Variants in KIAA1671 observed in about 807,000 individuals in gnomAD.
KIAA1671 encodes KIAA1671, also known as uncharacterized protein KIAA1671.
A neutral mutation model predicts 131.2 loss-of-function variants in KIAA1671; 52 were observed. That is an observed-to-expected ratio of 0.40 (90% CI 0.32 to 0.50). The LOEUF is 0.50. Among genes scored for constraint, KIAA1671 ranks in the 20% least tolerant of loss-of-function variants. The probability of loss-of-function intolerance (pLI) is 0.73; values close to 1 mark genes in which losing one functional copy is unlikely to be tolerated. For missense variants in KIAA1671, 2,360 were observed against 2,364.2 expected (o/e 1.00, Z 0.04); for synonymous variants, 1,003 against 961.6 (o/e 1.04, Z -0.80).
At chr22:25,036,426 T>G (rs1926600716) in intron 4 of KIAA1671, among the ~76,000 whole-genome samples, 1 of 152,150 alleles carries the variant, frequency 6.6e-6, no homozygotes, top group East Asian at 1.9e-4. Flanking sequence ...ACATAAAATA[T>G]ATCATTTTAA....
At position 25,040,259 on chromosome 22, in the gene KIAA1671, G is replaced by T; in HGVS notation, c.3129G>T (p.Val1043=). 1 of 1,551,682 alleles carries T rather than the reference G, an allele frequency of 6.4e-7. No individual in the cohort carries two copies. Among genetic ancestry groups the T allele is most frequent in the Non-Finnish European group, 8.7e-7 (1 of 1,147,002 alleles). The change falls in exon 5 of 13, where the codon GTG becomes GTT. Residue 1043 remains valine, a synonymous_variant. Coordinates refer to ENST00000358431, the MANE Select transcript of KIAA1671 (RefSeq NM_001145206.2). ...QIPNTQKAKG[V]VLSGAESLLE... is the part of the protein sequence containing the mutation. Reference sequence around the variant, plus strand: ...CCAATACTCAAAAGGCAAAGGGTGTGGTTCTGTCAGGAGCTGAAAGCTTGC... The same window carrying T: ...CCAATACTCAAAAGGCAAAGGGTGTTGTTCTGTCAGGAGCTGAAAGCTTGC...
rs1380638918 is a variant in KIAA1671, at chr22:24,995,405, G to A, written c.-207-30228G>A. Among the ~76,000 whole-genome samples the A allele has an allele frequency of 2.7e-5, 4 of 150,420 alleles. No individual in the cohort carries two copies. The East Asian group carries it at 7.9e-4, about 30-fold the overall frequency. ...GCAGGGTCTCACTCTCGCCCAGGCT[G>A]GAGTGCAGTGGTGCAGTCATGACTC... On this transcript the variant is annotated intron_variant, in intron 1 of 12. Transcript: ENST00000358431.
At chr22:24,974,149 G>A (rs1363561134) in intron 1 of KIAA1671, among the ~76,000 whole-genome samples, 1 of 152,128 alleles carries the variant, frequency 6.6e-6, no homozygotes, top group Non-Finnish European at 1.5e-5. Flanking sequence ...GGGTCTGGGT[G>A]GGGCAGGTTT....
At chr22:25,113,705 A>G (rs770323300) in intron 6 of KIAA1671, among the ~76,000 whole-genome samples, 185 of 152,350 alleles carry the variant, frequency 1.2e-3, no homozygotes, top group Middle Eastern at 0.01. Context: ...TGTCTCGTTC[A>G]CAGGACGTCT....
chr22:25,148,706 C>T (rs973027436), intron 6 of KIAA1671, among the ~76,000 whole-genome samples: 9 of 151,856 alleles, frequency 5.9e-5, no homozygotes, highest in African/African-American at 2.2e-4. Flanking sequence ...CCCTTCAGAG[C>T]CTTGCAAAGG....
intron 6 of KIAA1671, among the ~76,000 whole-genome samples, chr22:25,168,378 T>C (rs1240506120): frequency 6.6e-6 from 1 of 152,210 alleles, no homozygotes; most frequent in Non-Finnish European, 1.5e-5. Context: ...ATGTGTCACG[T>C]TCTGCCTGGT....
chr22:24,987,012 G>A (rs1923580815), intron 1 of KIAA1671, among the ~76,000 whole-genome samples: 1 of 152,028 alleles, frequency 6.6e-6, no homozygotes, highest in South Asian at 2.1e-4. Flanking sequence ...TACTGCACAA[G>A]CAGCCCAGAC....
intron 6 of KIAA1671, among the ~76,000 whole-genome samples, chr22:25,166,185 A>G (rs1568988687): frequency 6.6e-6 from 1 of 152,180 alleles, no homozygotes; most frequent in Non-Finnish European, 1.5e-5. Context: ...GAGACTTTGA[A>G]GGACTGAGGA....
chr22:25,182,960 G>T (rs1340219040), intron 10 of KIAA1671, among the ~76,000 whole-genome samples: 1 of 152,212 alleles, frequency 6.6e-6, no homozygotes, highest in Non-Finnish European at 1.5e-5. Flanking sequence ...GCAATGCTGA[G>T]GGAAAGGCTG....
chr22:25,141,783 C>G (rs1250906302), intron 6 of KIAA1671, among the ~76,000 whole-genome samples: 1 of 152,140 alleles, frequency 6.6e-6, no homozygotes, highest in African/African-American at 2.4e-5. Context: ...TCCCAGCCTG[C>G]TGAAGCCGAG....
At chr22:25,175,895 T>A (rs999029161) in intron 8 of KIAA1671, 1 of 152,256 alleles carries the variant, frequency 6.6e-6, no homozygotes, top group African/African-American at 2.4e-5. Flanking sequence ...CACCACGATT[T>A]GGGTCTCCTG....
chr22:25,014,892 C>T (rs1403458531), intron 1 of KIAA1671: 1 of 152,116 alleles, frequency 6.6e-6, no homozygotes, highest in Non-Finnish European at 1.5e-5. Context: ...CTAAGATCTC[C>T]TCAATCTAAA....
At chr22:25,046,419 C>T (rs1927234495) in intron 5 of KIAA1671, among the ~76,000 whole-genome samples, 2 of 151,334 alleles carry the variant, frequency 1.3e-5, no homozygotes, top group South Asian at 4.2e-4. Context: ...TCTCTCCATC[C>T]CTTCCTCTCT....
At chr22:25,172,130 C>A (rs899206485) in intron 7 of KIAA1671, among the ~76,000 whole-genome samples, 1 of 152,122 alleles carries the variant, frequency 6.6e-6, no homozygotes, top group African/African-American at 2.4e-5. Flanking sequence ...ATCTAGAATA[C>A]CCCTGCAAGA....
intron 6 of KIAA1671, among the ~76,000 whole-genome samples, chr22:25,093,103 T>A (rs1331780612): frequency 6.6e-6 from 1 of 152,216 alleles, no homozygotes; most frequent in East Asian, 1.9e-4. Context: ...ACTTACTGTG[T>A]GCTAGGTAAT....
intron 6 of KIAA1671, among the ~76,000 whole-genome samples, chr22:25,148,577 A>G (rs1044246312): frequency 1.3e-5 from 2 of 152,206 alleles, no homozygotes; most frequent in African/African-American, 4.8e-5. Context: ...GAAGCAGGAC[A>G]TGAGTAGGGA....
intron 1 of KIAA1671, among the ~76,000 whole-genome samples, chr22:24,984,265 G>C (rs1273930486): frequency 6.6e-6 from 1 of 152,192 alleles, no homozygotes; most frequent in East Asian, 1.9e-4. Context: ...ATCCTTTGCA[G>C]ATAGGTAGGG....
chr22:25,168,447 G>T (rs1202168089), intron 6 of KIAA1671, among the ~76,000 whole-genome samples: 1 of 152,192 alleles, frequency 6.6e-6, no homozygotes, highest in Non-Finnish European at 1.5e-5. Flanking sequence ...TCCCAGCACT[G>T]CGGGAGGCCG....
chr22:25,074,514 A>AGAAAG (rs1555876094), intron 6 of KIAA1671, among the ~76,000 whole-genome samples: 57 of 117,466 alleles, frequency 4.9e-4, no homozygotes, highest in South Asian at 4.7e-3. Context: ...AAAAAAAAAA[A>AGAAAG]AAAGAAAGAA....
Sources: allele counts gnomAD v4.1 joint callset (sites outside exome capture counted in the v4.1 genomes callset), GRCh38; gene constraint gnomAD v4.1.1; transcripts MANE v1.5; gene names NCBI Gene and HGNC (gene_info 2026-07-23, HGNC 2026-07-21).